NMNAT2: variants seen among roughly 807,000 people sequenced by gnomAD.
NMNAT2 encodes the protein nicotinamide/nicotinic acid mononucleotide adenylyltransferase 2.
NMNAT2 carries 11 observed loss-of-function variants against 41.6 expected under a neutral mutation model. The ratio of observed to expected loss-of-function variants is 0.26; its 90% CI spans 0.17 to 0.44. The LOEUF is 0.44. NMNAT2 is among the 20% of genes least tolerant of loss of function. NMNAT2 has a pLI of 1.00. For synonymous variants in NMNAT2, 148 were observed against 151.2 expected (o/e 0.98, Z 0.16); for missense variants, 288 against 407.7 (o/e 0.71, Z 2.53).
intron 8 of NMNAT2, among the ~76,000 whole-genome samples, chr1:183,262,066 C>T (rs1032394089): frequency 6.6e-6 from 1 of 151,978 alleles, no homozygotes; most frequent in Non-Finnish European, 1.5e-5. Flanking sequence ...GCTGATACCA[C>T]AGGTACATAC....
At chr1:183,315,187 C>T (rs1363097160) in intron 1 of NMNAT2, among the ~76,000 whole-genome samples, 7 of 152,154 alleles carry the variant, frequency 4.6e-5, no homozygotes, top group African/African-American at 7.2e-5. Flanking sequence ...CTTGGCCATC[C>T]GTCATGCTGT....
At chr1:183,293,007 G>C (rs1661583880) in intron 2 of NMNAT2, 150 bp from the exon 3 acceptor site, 1 of 745,230 alleles carries the variant, frequency 1.3e-6, no homozygotes, top group African/African-American at 1.8e-5. Context: ...TTGTCCGTTT[G>C]CCACACAGGC....
chr1:183,388,967 C>T (rs1648341870), intron 1 of NMNAT2, among the ~76,000 whole-genome samples: 1 of 152,188 alleles, frequency 6.6e-6, no homozygotes, highest in Non-Finnish European at 1.5e-5. Flanking sequence ...CCATTACCCT[C>T]AAAGCAAACA....
intron 8 of NMNAT2, among the ~76,000 whole-genome samples, chr1:183,276,344 TCAGCACCAGGGAC>T (rs1661123881): frequency 6.6e-6 from 1 of 152,206 alleles, no homozygotes; most frequent in Non-Finnish European, 1.5e-5. Context: ...AACCCTGGTC[TCAGCACCAGGGAC>T]CAATCAGAAA....
chr1:183,258,063 T>C (rs571416485), intron 10 of NMNAT2, among the ~76,000 whole-genome samples: 1 of 152,332 alleles, frequency 6.6e-6, no homozygotes, highest in South Asian at 2.1e-4. Context: ...GTATGAATTC[T>C]CTTCCAGGGA....
At chr1:183,346,956 C>G (rs1178706137) in intron 1 of NMNAT2, among the ~76,000 whole-genome samples, 1 of 152,108 alleles carries the variant, frequency 6.6e-6, no homozygotes, top group Non-Finnish European at 1.5e-5. Flanking sequence ...AGAAACCCAC[C>G]CTACTCTTCA....
At chr1:183,344,753 C>T (rs956875678) in intron 1 of NMNAT2, among the ~76,000 whole-genome samples, 5 of 152,268 alleles carry the variant, frequency 3.3e-5, no homozygotes, top group African/African-American at 1.2e-4. Flanking sequence ...AGAGGCCCCA[C>T]GAAGTACGAG....
At chr1:183,361,086 A>C (rs1464154307) in intron 1 of NMNAT2, among the ~76,000 whole-genome samples, 1 of 152,216 alleles carries the variant, frequency 6.6e-6, no homozygotes, top group Non-Finnish European at 1.5e-5. Context: ...GCTATAATAA[A>C]ATTTCTGCAC....
At chr1:183,324,674 C>G (rs1662424642) in intron 1 of NMNAT2, among the ~76,000 whole-genome samples, 1 of 152,212 alleles carries the variant, frequency 6.6e-6, no homozygotes. Flanking sequence ...TGTGATCCAT[C>G]AAAAGGATGC....
intron 8 of NMNAT2, among the ~76,000 whole-genome samples, chr1:183,277,048 A>C (rs1661139082): frequency 6.6e-6 from 1 of 152,130 alleles, no homozygotes; most frequent in Admixed American, 6.5e-5. Context: ...AAATTCACTT[A>C]TTATCTTTGC....
At chr1:183,369,248 TTTTTC>T (rs1274363572) in intron 1 of NMNAT2, among the ~76,000 whole-genome samples, 5 of 135,382 alleles carry the variant, frequency 3.7e-5, no homozygotes, top group African/African-American at 8.2e-5. Flanking sequence ...ATTCTTTTTT[TTTTTC>T]TTTTCTTTTC....
chr1:183,317,723 T>C (rs912513395), intron 1 of NMNAT2, among the ~76,000 whole-genome samples: 1 of 152,210 alleles, frequency 6.6e-6, no homozygotes, highest in Non-Finnish European at 1.5e-5. Context: ...GCCCAGAGAC[T>C]GCCTAAGATA....
At chr1:183,365,475 G>C (rs576051522) in intron 1 of NMNAT2, among the ~76,000 whole-genome samples, 1 of 152,210 alleles carries the variant, frequency 6.6e-6, no homozygotes, top group East Asian at 1.9e-4. Context: ...ATAAGAAACA[G>C]GCCAGGCACG....
At chr1:183,357,935 A>T (rs1328752570) in intron 1 of NMNAT2, among the ~76,000 whole-genome samples, 1 of 152,256 alleles carries the variant, frequency 6.6e-6, no homozygotes. Context: ...TCCCAAAGGA[A>T]TATAAATTTT....
chr1:183,285,964 C>T (rs182370364), intron 5 of NMNAT2, among the ~76,000 whole-genome samples: 1 of 152,304 alleles, frequency 6.6e-6, no homozygotes, highest in Admixed American at 6.5e-5. Context: ...GGCCCTGCTT[C>T]TTGCTCACTG....
chr1:183,399,902 G>A lies in NMNAT2; in HGVS notation c.85+18281C>T, dbSNP rs552929406. Among the ~76,000 whole-genome samples the A allele has an allele frequency of 8.5e-5, 13 of 152,234 alleles. No homozygotes were observed. The South Asian group carries it at 1.0e-3, about 12-fold the overall frequency. On this transcript the variant is annotated intron_variant, in intron 1 of 10. Transcript: ENST00000287713. ...AACTCTCAATAAACTAGGTATTGAC[G>A]GGGCATATCTCAAAATAATAAGAGC...
intron 1 of NMNAT2, among the ~76,000 whole-genome samples, chr1:183,300,392 A>AC: frequency 6.8e-6 from 1 of 147,916 alleles, no homozygotes; most frequent in East Asian, 2.0e-4. Context: ...ACAGAGCCAG[A>AC]CTCTGAGACT....
intron 1 of NMNAT2, among the ~76,000 whole-genome samples, chr1:183,344,765 C>T (rs918183902): frequency 8.5e-5 from 13 of 152,190 alleles, no homozygotes; most frequent in African/African-American, 3.1e-4. Context: ...AAGTACGAGG[C>T]ATTTAAAACC....
At chr1:183,322,708 T>C (rs934052696) in intron 1 of NMNAT2, among the ~76,000 whole-genome samples, 2 of 152,118 alleles carry the variant, frequency 1.3e-5, no homozygotes, top group Admixed American at 6.5e-5. Context: ...ACCCAAATCA[T>C]AGGATGAAAT....
Sources: allele counts gnomAD v4.1 joint callset (sites outside exome capture counted in the v4.1 genomes callset), GRCh38; gene constraint gnomAD v4.1.1; transcripts MANE v1.5; gene names NCBI Gene and HGNC (gene_info 2026-07-23, HGNC 2026-07-21).